The following ZNF385D variants were observed in gnomAD, a reference collection of about 807,000 sequenced individuals.
ZNF385D encodes the protein zinc finger protein 659.
In ZNF385D, 15 loss-of-function variants were observed where a neutral mutation model predicts 35.8. The ratio of observed to expected loss-of-function variants is 0.42; its 90% CI spans 0.28 to 0.64. The LOEUF is 0.64. Ranked by LOEUF, ZNF385D falls within the 30% of genes least tolerant of loss-of-function variation. The pLI, the probability that ZNF385D is intolerant of heterozygous loss-of-function variation, is 0.23. For synonymous variants in ZNF385D, 212 were observed against 186.8 expected (o/e 1.13, Z -1.10); for missense variants, 474 against 494.6 (o/e 0.96, Z 0.39).
chr3:21,814,609 G>C (rs892345399), intron 3 of ZNF385D, among the ~76,000 whole-genome samples: 1 of 152,132 alleles, frequency 6.6e-6, no homozygotes, highest in Admixed American at 6.5e-5. Context: ...ATGGTAAAGG[G>C]ATGATTTCAA....
intron 2 of ZNF385D, among the ~76,000 whole-genome samples, chr3:22,369,725 A>C (rs905327937): frequency 2.0e-5 from 3 of 152,138 alleles, no homozygotes; most frequent in Non-Finnish European, 4.4e-5. Flanking sequence ...ATATATCATC[A>C]CTCTCAAAAT....
At chr3:22,191,486 T>G (rs939247632) in intron 2 of ZNF385D, among the ~76,000 whole-genome samples, 2 of 128,064 alleles carry the variant, frequency 1.6e-5, no homozygotes, top group African/African-American at 3.1e-5. Flanking sequence ...AAACTCCATC[T>G]AAGAAAAAAA....
chr3:21,501,988 C>T (rs191274530), intron 4 of ZNF385D, among the ~76,000 whole-genome samples: 11 of 152,306 alleles, frequency 7.2e-5, no homozygotes, highest in Admixed American at 7.2e-4. Context: ...CAAAAACACA[C>T]TGTATACACA....
intron 3 of ZNF385D, among the ~76,000 whole-genome samples, chr3:22,006,140 G>T (rs779528674): frequency 6.6e-6 from 1 of 152,026 alleles, no homozygotes; most frequent in South Asian, 2.1e-4. Flanking sequence ...TCAACCTTTA[G>T]ATAAGTTTTT....
chr3:22,301,307 G>A (rs1225161411), intron 2 of ZNF385D, among the ~76,000 whole-genome samples: 2 of 151,968 alleles, frequency 1.3e-5, no homozygotes, highest in Admixed American at 6.6e-5. Context: ...TTTGGGAGAT[G>A]TTGGTCAAAT....
intron 3 of ZNF385D, among the ~76,000 whole-genome samples, chr3:21,884,759 T>C (rs141511332): frequency 1.3e-5 from 2 of 152,140 alleles, no homozygotes; most frequent in African/African-American, 4.8e-5. Flanking sequence ...CCAGATCCAG[T>C]GACATTATAC....
At chr3:21,541,549 C>A (rs2062176883) in intron 3 of ZNF385D, among the ~76,000 whole-genome samples, 1 of 152,052 alleles carries the variant, frequency 6.6e-6, no homozygotes, top group Non-Finnish European at 1.5e-5. Context: ...GGCCACAAAA[C>A]CCCAAATTAC....
chr3:21,842,686 T>C (rs907699285), intron 3 of ZNF385D, among the ~76,000 whole-genome samples: 1 of 152,076 alleles, frequency 6.6e-6, no homozygotes, highest in Non-Finnish European at 1.5e-5. Context: ...CCTTTTCTTA[T>C]TTCATTCAGT....
chr3:22,322,126 A>G (rs1396571241), intron 2 of ZNF385D, among the ~76,000 whole-genome samples: 2 of 152,054 alleles, frequency 1.3e-5, no homozygotes, highest in East Asian at 1.9e-4. Flanking sequence ...AGTTTCATTC[A>G]CACTTTTATA....
intron 2 of ZNF385D, among the ~76,000 whole-genome samples, chr3:22,256,335 C>A (rs1239300593): frequency 6.6e-6 from 1 of 151,212 alleles, no homozygotes; most frequent in Non-Finnish European, 1.5e-5. Flanking sequence ...AAAGGTCTCC[C>A]CAAAATATTA....
intron 3 of ZNF385D, among the ~76,000 whole-genome samples, chr3:21,923,868 C>T (rs1700595688): frequency 6.6e-6 from 1 of 152,132 alleles, no homozygotes; most frequent in African/African-American, 2.4e-5. Flanking sequence ...GGTTAATAAA[C>T]TAACTCTTGA....
intron 3 of ZNF385D, among the ~76,000 whole-genome samples, chr3:21,910,430 C>A (rs1699906921): frequency 2.6e-5 from 4 of 151,896 alleles, no homozygotes; most frequent in African/African-American, 9.7e-5. Flanking sequence ...TTTGCACTTA[C>A]CTTAAACCAT....
intron 3 of ZNF385D, among the ~76,000 whole-genome samples, chr3:22,123,956 C>CTATA (rs1289766270): frequency 2.2e-4 from 19 of 86,632 alleles, no homozygotes; most frequent in Admixed American, 6.1e-4. Flanking sequence ...CTCTCTCTCT[C>CTATA]TCTCTCTATA....
intron 3 of ZNF385D, among the ~76,000 whole-genome samples, chr3:22,154,649 C>T (rs1218107654): frequency 6.6e-6 from 1 of 152,150 alleles, no homozygotes; most frequent in Non-Finnish European, 1.5e-5. Context: ...AATGTACATA[C>T]CTTGCCTCTC....
intron 3 of ZNF385D, among the ~76,000 whole-genome samples, chr3:22,105,488 A>G (rs186202655): frequency 2.3e-4 from 35 of 152,274 alleles, no homozygotes; most frequent in Admixed American, 1.5e-3. Context: ...GGCTCACACA[A>G]TTACGGAGGC....
chr3:22,296,287 T>G (rs1298279292), intron 2 of ZNF385D, among the ~76,000 whole-genome samples: 1 of 152,138 alleles, frequency 6.6e-6, no homozygotes, highest in African/African-American at 2.4e-5. Context: ...TTGCCATTGC[T>G]CTGTGTGGCA....
intron 2 of ZNF385D, among the ~76,000 whole-genome samples, chr3:22,293,740 C>CA (rs1354478509): frequency 6.6e-6 from 1 of 152,110 alleles, no homozygotes; most frequent in Non-Finnish European, 1.5e-5. Context: ...CCAGCAGAAT[C>CA]AACTTCAGCA....
chr3:22,109,836 C>G (rs144923266), intron 3 of ZNF385D, among the ~76,000 whole-genome samples: 78 of 152,258 alleles, frequency 5.1e-4, no homozygotes, highest in African/African-American at 1.8e-3. Flanking sequence ...TCAGAGTGAA[C>G]AGGCAGCGTA....
rs532511392 is a variant in ZNF385D, at chr3:22,148,665, G to A, written c.325+20152C>T. On this transcript the variant is annotated intron_variant, in intron 3 of 5. Transcript: ENST00000494108. ...AATATGAGCTCCTTCAGATGGTTTA[G>A]CAAAGTAAGATCTACATGGTCGTAA... Among the ~76,000 whole-genome samples, 565 of 152,242 alleles carry A rather than the reference G, an allele frequency of 3.7e-3. 2 individuals carry two copies. Among genetic ancestry groups the A allele is most frequent in the Middle Eastern group, 0.017 (5 of 294 alleles).
Sources: gnomAD v4.1 joint callset for allele counts (sites outside exome capture counted in the v4.1 genomes callset) on GRCh38, gnomAD v4.1.1 for gene constraint, MANE v1.5 for transcripts, NCBI Gene and HGNC (gene_info 2026-07-23, HGNC 2026-07-21) for gene names.